The following ST3GAL6 variants were observed in gnomAD, a reference collection of about 807,000 sequenced individuals.
ST3GAL6 encodes the protein ST3 beta-galactoside alpha-2,3-sialyltransferase 6.
ST3GAL6 carries 31 observed loss-of-function variants against 40.5 expected under a neutral mutation model. The observed-to-expected ratio is 0.77, with a 90% CI of 0.58 to 1.03. The LOEUF is 1.03. Among genes scored for constraint, ST3GAL6 ranks in the 50% least tolerant of loss-of-function variants. The pLI is 0.00. For synonymous variants in ST3GAL6, 129 were observed against 136.9 expected (o/e 0.94, Z 0.40); for missense variants, 357 against 393.2 (o/e 0.91, Z 0.78).
At position 98,746,296 on chromosome 3, in the gene ST3GAL6, C is replaced by T. The variant is rs1936543215; in HGVS notation, c.-12+13764C>T. 1.3e-5 allele frequency among the ~76,000 whole-genome samples: 2 copies of T among 152,130 alleles called. 1 individual carries two copies. The highest frequency in any genetic ancestry group is 4.1e-4 in the South Asian group (2 of 4,826). ...TAGAACTGATAACTCCTTAGCTTGG[C>T]TATGGAATGTACTAAAATATTGTTC... On this transcript the variant is annotated intron_variant, in intron 1 of 9. Transcript: ENST00000265261.
chr3:98,792,251 C>A (rs1364150346), intron 9 of ST3GAL6, among the ~76,000 whole-genome samples: 1 of 152,108 alleles, frequency 6.6e-6, no homozygotes, highest in South Asian at 2.1e-4. Context: ...AAGTACAGAA[C>A]CTTACTTTAG....
chr3:98,793,823 G>A lies in ST3GAL6; in HGVS notation c.*62G>A. 9.2e-7 allele frequency: 1 copy of A among 1,084,462 alleles called. No individual in the cohort carries two copies. The highest frequency in any genetic ancestry group is 1.3e-6 in the Non-Finnish European group (1 of 743,406). 67.2% of individuals were successfully genotyped at this position (1,084,462 alleles called of 1,614,324 possible). On this transcript the variant is annotated 3_prime_UTR_variant, in exon 10 of 10. Transcript: ENST00000483910. ...TTTTATTTTTGTACTGCAATTTTTA[G>A]TTTAAAATATGTTGGATGCACTCGT...
upstream of ST3GAL6, chr3:98,763,217 G>GCT: frequency 8.2e-7 from 1 of 1,214,368 alleles, no homozygotes; most frequent in Non-Finnish European, 1.1e-6. Context: ...TTCTGTTGTA[G>GCT]ATTTGCTCAT....
chr3:98,788,437 T>G lies in ST3GAL6; in HGVS notation c.730T>G (p.Phe244Val). 1 of 1,609,320 alleles carries G rather than the reference T, an allele frequency of 6.2e-7. No individual in the cohort carries two copies. The highest frequency in any genetic ancestry group is 8.5e-7 in the Non-Finnish European group (1 of 1,178,714). ...AACAGCAGCTTATGAACTGCTTCATTTTCCAAAAGTGTTTCCCAAAAATCA... is the reference window on the plus strand; with the variant it reads ...AACAGCAGCTTATGAACTGCTTCATGTTCCAAAAGTGTTTCCCAAAAATCA... ...IRTAAYELLH[F>V]PKVFPKNQKP... The change falls in exon 8 of 10, where the codon TTT (phenylalanine) becomes GTT (valine). Residue 244 changes from phenylalanine to valine, a missense_variant. Transcript: ENST00000483910.
At chr3:98,741,138 G>T (rs1216292868) in intron 1 of ST3GAL6, among the ~76,000 whole-genome samples, 2 of 150,950 alleles carry the variant, frequency 1.3e-5, no homozygotes, top group Admixed American at 6.6e-5. Flanking sequence ...AAAATCTGTA[G>T]GTTGAATAGA....
Position 98,773,950 on chromosome 3 carries a change from T to G in ST3GAL6, c.302T>G (p.Leu101Arg). ...AEYFRLALSK[L>R]QSCDLFDEFD... ...TATTTTCGACTTGCTCTTTCAAAAC[T>G]GCAGAGTTGTGATCTCTTTGATGAG... Residue 101 changes from leucine (L) to arginine (R), a missense_variant, in exon 5 of 10, where the codon CTG becomes CGG. Transcript: ENST00000483910. 6.2e-7 allele frequency: 1 copy of G among 1,613,642 alleles called. No homozygotes were observed.
At chr3:98,740,538 C>T (rs1349500323) in intron 1 of ST3GAL6, among the ~76,000 whole-genome samples, 1 of 152,114 alleles carries the variant, frequency 6.6e-6, no homozygotes, top group Non-Finnish European at 1.5e-5. Flanking sequence ...CCACACTCTC[C>T]CATCTAAGCC....
chr3:98,768,663 G>A, intron 2 of ST3GAL6, 134 bp downstream of exon 2: 1 of 667,542 alleles, frequency 1.5e-6, no homozygotes, highest in Non-Finnish European at 2.6e-6. Context: ...TGTAAATTGG[G>A]GTTTTACCAT....
Position 98,793,720 on chromosome 3 carries a change from A to G in ST3GAL6, c.955A>G (p.Ile319Val). The G allele has an allele frequency of 1.9e-6, 3 of 1,603,084 alleles. No homozygotes were observed. Among genetic ancestry groups the G allele is most frequent in the South Asian group, 2.3e-5 (2 of 88,018 alleles). The change falls in exon 10 of 10, where the codon ATT becomes GTT. Residue 319 changes from isoleucine (I) to valine (V), a missense_variant. Transcript: ENST00000483910. ...VTAEQLFLKD[I>V]IEKNLVINLT... ...TGCAGAGCAGCTCTTTTTGAAGGACATTATAGAAAAAAACCTCGTAATCAA... is the reference window on the plus strand; with the variant it reads ...TGCAGAGCAGCTCTTTTTGAAGGACGTTATAGAAAAAAACCTCGTAATCAA...
intron 1 of ST3GAL6, among the ~76,000 whole-genome samples, chr3:98,736,740 A>G (rs1380637860): frequency 1.3e-5 from 2 of 152,218 alleles, no homozygotes; most frequent in African/African-American, 4.8e-5. Context: ...GGACACAGCA[A>G]AGCCCCTGCT....
intron 1 of ST3GAL6, chr3:98,733,464 A>G (rs1935237232): frequency 1.0e-6 from 1 of 990,134 alleles, no homozygotes; most frequent in Non-Finnish European, 1.2e-6. Context: ...GTACGCGAGG[A>G]GGGTTGAGGG....
chr3:98,776,878 G>A (rs994044850), intron 5 of ST3GAL6, among the ~76,000 whole-genome samples: 1 of 152,190 alleles, frequency 6.6e-6, no homozygotes, highest in Non-Finnish European at 1.5e-5. Context: ...CAGCATGTAT[G>A]ATGCCCTCAG....
At chr3:98,737,887 CA>C (rs1212047441) in intron 1 of ST3GAL6, among the ~76,000 whole-genome samples, 1 of 152,134 alleles carries the variant, frequency 6.6e-6, no homozygotes, top group African/African-American at 2.4e-5. Flanking sequence ...CCACAAAAGA[CA>C]AAGATAGTGA....
intron 5 of ST3GAL6, chr3:98,783,079 C>G (rs570389251): frequency 1.1e-5 from 2 of 178,832 alleles, no homozygotes; most frequent in Non-Finnish European, 2.2e-5. Flanking sequence ...GACACTCACC[C>G]GAAAGAGAAG....
intron 5 of ST3GAL6, among the ~76,000 whole-genome samples, chr3:98,780,164 G>A (rs1434231201): frequency 1.3e-5 from 2 of 152,192 alleles, no homozygotes; most frequent in African/African-American, 4.8e-5. Context: ...TTGCTAGAGA[G>A]TGAGGGAAGC....
chr3:98,784,819 GT>G, intron 5 of ST3GAL6, 125 bp from the exon 6 acceptor site: 1 of 684,404 alleles, frequency 1.5e-6, no homozygotes, highest in Non-Finnish European at 2.6e-6. Flanking sequence ...GTAAGTCGCA[GT>G]TGGTTCTTTT....
chr3:98,758,929 G>A (rs897766530), upstream of ST3GAL6, among the ~76,000 whole-genome samples: 1 of 152,160 alleles, frequency 6.6e-6, no homozygotes, highest in African/African-American at 2.4e-5. Flanking sequence ...TACAGCCAAG[G>A]AAGCTGAAGT....
chr3:98,742,754 A>G (rs1302400085), intron 1 of ST3GAL6, among the ~76,000 whole-genome samples: 1 of 146,560 alleles, frequency 6.8e-6, no homozygotes, highest in Non-Finnish European at 1.5e-5. Flanking sequence ...GCAAGAGTGC[A>G]GTGGCGCAAT....
At chr3:98,755,420 A>G (rs571132248) in intron 1 of ST3GAL6, among the ~76,000 whole-genome samples, 1 of 152,318 alleles carries the variant, frequency 6.6e-6, no homozygotes, top group African/African-American at 2.4e-5. Flanking sequence ...TTAAAAGATA[A>G]GAGTTATTTC....
Sources: allele counts gnomAD v4.1 joint callset (sites outside exome capture counted in the v4.1 genomes callset), GRCh38; gene constraint gnomAD v4.1.1; transcripts MANE v1.5; gene names NCBI Gene and HGNC (gene_info 2026-07-23, HGNC 2026-07-21).